MEIKIN: variants seen among roughly 807,000 people sequenced by gnomAD.
MEIKIN encodes meiotic kinetochore factor.
At chr5:131,833,389 A>G (rs1030239878) in intron 11 of MEIKIN, among the ~76,000 whole-genome samples, 6 of 152,206 alleles carry the variant, frequency 3.9e-5, no homozygotes, top group African/African-American at 1.4e-4. Flanking sequence ...ATTGCAATCA[A>G]CATTTTTGTC....
chr5:131,940,216 T>G (rs1055436439), intron 4 of MEIKIN, among the ~76,000 whole-genome samples: 2 of 152,170 alleles, frequency 1.3e-5, no homozygotes, highest in African/African-American at 4.8e-5. Flanking sequence ...CTGAATTTAT[T>G]TTTGAAAAAG....
At chr5:131,935,755 A>G (rs187023888) in intron 4 of MEIKIN, among the ~76,000 whole-genome samples, 2 of 152,270 alleles carry the variant, frequency 1.3e-5, no homozygotes, top group East Asian at 3.9e-4. Context: ...AGACCTCATC[A>G]CAACTTTTTC....
intron 9 of MEIKIN, among the ~76,000 whole-genome samples, chr5:131,862,623 A>G (rs1185925522): frequency 1.3e-5 from 2 of 152,186 alleles, no homozygotes; most frequent in Admixed American, 1.3e-4. Context: ...TTATTGCTAT[A>G]AAGTTCCCTC....
chr5:131,891,612 T>A (rs972574662), intron 8 of MEIKIN, among the ~76,000 whole-genome samples: 1 of 152,228 alleles, frequency 6.6e-6, no homozygotes, highest in Non-Finnish European at 1.5e-5. Context: ...TATGTGTCTC[T>A]GCATGTGAGA....
chr5:131,827,658 C>T (rs373466366), intron 11 of MEIKIN, among the ~76,000 whole-genome samples: 75 of 152,162 alleles, frequency 4.9e-4, no homozygotes, highest in African/African-American at 1.8e-3. Context: ...AGGTTCAGTA[C>T]ACCAGAAAAG....
intron 9 of MEIKIN, among the ~76,000 whole-genome samples, chr5:131,872,401 A>C (rs1211544784): frequency 1.3e-5 from 2 of 152,234 alleles, no homozygotes; most frequent in Non-Finnish European, 2.9e-5. Context: ...GGTATCAGTG[A>C]TGGAAGACGA....
At chr5:131,835,845 G>A (rs1001493640) in intron 11 of MEIKIN, among the ~76,000 whole-genome samples, 11 of 152,088 alleles carry the variant, frequency 7.2e-5, no homozygotes, top group African/African-American at 1.7e-4. Context: ...TGCCTGCCTC[G>A]GCCTCCCAAA....
At position 131,931,708 on chromosome 5, in the gene MEIKIN, C is replaced by T. The variant is rs1303670431; in HGVS notation, c.478+1805G>A. Among the ~76,000 whole-genome samples, 8 of 152,212 alleles carry T rather than the reference C, an allele frequency of 5.3e-5. No individual in the cohort carries two copies. The East Asian group carries it at 1.2e-3, about 22-fold the overall frequency. ...TGCTTGCCAGGATGCAGGCGCCTGT[C>T]GACTATTTTCTGAATTTTTCACAAA... On this transcript the variant is annotated intron_variant, in intron 5 of 12. Transcript: ENST00000442687.
In MEIKIN at chr5:131,911,880, C is replaced by A; in HGVS notation, c.639-1G>T. ...ATTTTGATCTGCTACTGTCATCACT[C>A]TATAACAAGAACAAACTGTTTAGTG... On this transcript the variant is annotated splice_acceptor_variant, in intron 7 of 12. Transcript: ENST00000442687. LOFTEE classifies it high-confidence loss of function. The A allele has an allele frequency of 2.5e-6, 1 of 397,658 alleles. No homozygotes were observed. The highest frequency in any genetic ancestry group is 4.4e-6 in the Non-Finnish European group (1 of 225,132). 24.6% of individuals were successfully genotyped at this position (397,658 alleles called of 1,614,324 possible). A position where few individuals can be genotyped will look rare whatever the true frequency, so the allele number is the denominator to read the frequency against.
intron 9 of MEIKIN, among the ~76,000 whole-genome samples, chr5:131,866,754 GAGA>G (rs1750392455): frequency 6.6e-6 from 1 of 152,200 alleles, no homozygotes; most frequent in African/African-American, 2.4e-5. Context: ...ATGGAAGCAG[GAGA>G]AGGACAGGTA....
At chr5:131,876,473 G>A (rs1233513686) in intron 9 of MEIKIN, among the ~76,000 whole-genome samples, 11 of 143,912 alleles carry the variant, frequency 7.6e-5, no homozygotes, top group South Asian at 2.2e-4. Flanking sequence ...TTAGAATGGC[G>A]ATCATTAAAA....
rs141515368 is a variant in MEIKIN, at chr5:131,878,428, C to T, written c.774+550G>A. Among the ~76,000 whole-genome samples the T allele has an allele frequency of 3.7e-3, 565 of 152,076 alleles. 3 individuals carry two copies. Among genetic ancestry groups the T allele is most frequent in the African/African-American group, 0.013 (535 of 41,498 alleles). ...TAAAAATACAAAAAATTATCCAGGC[C>T]TAGTGGCAGGCACCCGTAGTCCCAG... On this transcript the variant is annotated intron_variant, in intron 9 of 12. Transcript: ENST00000442687.
chr5:131,889,865 T>A (rs1246500746), intron 8 of MEIKIN, among the ~76,000 whole-genome samples: 2 of 152,226 alleles, frequency 1.3e-5, no homozygotes, highest in Non-Finnish European at 2.9e-5. Context: ...AGATAGCTTT[T>A]ATTATTTTGA....
intron 9 of MEIKIN, among the ~76,000 whole-genome samples, chr5:131,865,654 C>T (rs564497190): frequency 6.6e-6 from 1 of 151,480 alleles, no homozygotes; most frequent in Non-Finnish European, 1.5e-5. Flanking sequence ...GCTGCTTTTT[C>T]CAATTTTTTT....
intron 8 of MEIKIN, among the ~76,000 whole-genome samples, chr5:131,888,582 T>C (rs1430366899): frequency 6.6e-6 from 1 of 152,040 alleles, no homozygotes; most frequent in Non-Finnish European, 1.5e-5. Flanking sequence ...GTAAATTTGT[T>C]TGAGTTCATT....
intron 11 of MEIKIN, among the ~76,000 whole-genome samples, chr5:131,849,164 T>C (rs2149614231): frequency 6.6e-6 from 1 of 152,264 alleles, no homozygotes; most frequent in Middle Eastern, 3.4e-3. Flanking sequence ...GGGAGGTGAC[T>C]GGATCATGGG....
At chr5:131,834,671 C>T (rs1192348248) in intron 11 of MEIKIN, among the ~76,000 whole-genome samples, 2 of 152,156 alleles carry the variant, frequency 1.3e-5, no homozygotes, top group Non-Finnish European at 2.9e-5. Context: ...AGCTGATTGG[C>T]AAATGTATGT....
intron 9 of MEIKIN, among the ~76,000 whole-genome samples, chr5:131,871,899 G>C (rs1750509435): frequency 6.6e-6 from 1 of 152,138 alleles, no homozygotes; most frequent in Non-Finnish European, 1.5e-5. Flanking sequence ...GTCTGGAGTG[G>C]ACCTCTAGCA....
intron 8 of MEIKIN, among the ~76,000 whole-genome samples, chr5:131,883,949 AC>A (rs1327362613): frequency 1.3e-5 from 2 of 152,192 alleles, no homozygotes; most frequent in African/African-American, 2.4e-5. Context: ...GCTGGTGCCC[AC>A]CCATGGAGGG....
Sources: allele counts gnomAD v4.1 joint callset (sites outside exome capture counted in the v4.1 genomes callset), GRCh38; gene constraint gnomAD v4.1.1; transcripts MANE v1.5; gene names NCBI Gene and HGNC (gene_info 2026-07-23, HGNC 2026-07-21).